CYFIP2: variants seen among roughly 807,000 people sequenced by gnomAD.
The protein encoded by CYFIP2 is cytoplasmic FMR1-interacting protein 2.
A neutral mutation model predicts 158.7 loss-of-function variants in CYFIP2; 29 were observed. The observed-to-expected ratio is 0.18, with a 90% CI of 0.14 to 0.25. CYFIP2 has a LOEUF of 0.25. CYFIP2 is among the 10% of genes least tolerant of loss of function. The pLI, the probability that CYFIP2 is intolerant of heterozygous loss-of-function variation, is 1.00. For missense variants in CYFIP2, 852 were observed against 1,639.5 expected (o/e 0.52, Z 8.29); for synonymous variants, 585 against 617.6 (o/e 0.95, Z 0.78).
In CYFIP2 at chr5:157,385,764, G is replaced by T. The variant is rs150988028; in HGVS notation, c.3207+2405G>T. On this transcript the variant is annotated intron_variant, in intron 28 of 30. Transcript: ENST00000620254. ...GCATAAGAATTCAAAAAACATTGAG[G>T]TTTTTGAGAAGGAATATTGTTACAT... 8.9e-4 allele frequency among the ~76,000 whole-genome samples: 135 copies of T among 152,134 alleles called. 3 individuals carry two copies. The East Asian group carries it at 0.025, about 28-fold the overall frequency.
At chr5:157,294,066 G>T (rs1758054740) in intron 3 of CYFIP2, among the ~76,000 whole-genome samples, 1 of 152,166 alleles carries the variant, frequency 6.6e-6, no homozygotes. Flanking sequence ...AATTGGGGAA[G>T]GCACCAATCT....
At position 157,367,751 on chromosome 5, in the gene CYFIP2, C is replaced by CTTT. The variant is rs373446663; in HGVS notation, c.3039+6172_3039+6174dup. On this transcript the variant is annotated intron_variant, in intron 26 of 30. Coordinates refer to ENST00000620254, the MANE Select transcript of CYFIP2 (RefSeq NM_001037333.3). ...GTCACACTAAGATGACCTCTGTTCACTTTTTTTTTTTTTTTTTTTTTAAGA... is the reference window on the plus strand; with the variant it reads ...GTCACACTAAGATGACCTCTGTTCACTTTTTTTTTTTTTTTTTTTTTTTTAAGA... Among the ~76,000 whole-genome samples, 326 of 123,550 alleles carry CTTT rather than the reference C, an allele frequency of 2.6e-3. 4 individuals are homozygous for CTTT. The highest frequency in any genetic ancestry group is 6.0e-3 in the East Asian group (26 of 4,364). The allele number at this position is 123,550 out of a possible 152,430, so 81.1% of individuals were successfully genotyped here.
intron 14 of CYFIP2, 60 bp downstream of exon 14, chr5:157,319,988 A>C: frequency 6.3e-7 from 1 of 1,580,044 alleles, no homozygotes. Flanking sequence ...TACCCATCAG[A>C]GAGGATGTCC....
intron 15 of CYFIP2, chr5:157,322,929 A>G (rs767594607): frequency 7.1e-5 from 108 of 1,530,602 alleles, no homozygotes; most frequent in Non-Finnish European, 8.7e-5. Context: ...CTTCTCTCCT[A>G]TCTATGTCTT....
chr5:157,384,246 A>C (rs1376533005), intron 28 of CYFIP2: 1 of 456,606 alleles, frequency 2.2e-6, no homozygotes, highest in Non-Finnish European at 4.4e-6. Context: ...GGGAGCAGGA[A>C]GGAAGAGAAA....
At chr5:157,343,493 A>G in intron 23 of CYFIP2, 1 of 1,598,832 alleles carries the variant, frequency 6.3e-7, no homozygotes, top group Middle Eastern at 1.7e-4. Context: ...CGACCAGGAG[A>G]TGATGGCTCC....
intron 11 of CYFIP2, among the ~76,000 whole-genome samples, chr5:157,312,814 G>T (rs184961622): frequency 6.6e-6 from 1 of 152,204 alleles, no homozygotes; most frequent in Non-Finnish European, 1.5e-5. Flanking sequence ...GTACCAATCC[G>T]TTGAACTGAA....
At chr5:157,345,370 A>G (rs1762602158) in intron 23 of CYFIP2, 1 of 152,642 alleles carries the variant, frequency 6.6e-6, no homozygotes, top group Non-Finnish European at 1.5e-5. Flanking sequence ...AGACGCAAAT[A>G]GCATCCTCAC....
At chr5:157,354,856 A>G (rs1042047731) in intron 23 of CYFIP2, among the ~76,000 whole-genome samples, 1 of 151,510 alleles carries the variant, frequency 6.6e-6, no homozygotes, top group African/African-American at 2.5e-5. Context: ...AACAGTTTCC[A>G]TATATGTAAA....
chr5:157,378,610 T>C lies in CYFIP2; in HGVS notation c.3040-3980T>C, dbSNP rs552522862. On this transcript the variant is annotated intron_variant, in intron 26 of 30. Transcript: ENST00000620254. ...AAGTGGAGTGGCTCCTGGATCGAAA[T>C]GTCAGCCTTACTGCTTATTTAAGCA... is the stretch of plus-strand genomic sequence containing the variant. Among the ~76,000 whole-genome samples, 35 of 152,270 alleles carry C rather than the reference T, an allele frequency of 2.3e-4. No individual in the cohort carries two copies. The South Asian group carries it at 7.1e-3, about 31-fold the overall frequency.
intron 21 of CYFIP2, among the ~76,000 whole-genome samples, chr5:157,338,611 GCAAAATT>G (rs533420718): frequency 1.0e-3 from 152 of 152,328 alleles, no homozygotes; most frequent in African/African-American, 3.3e-3. Context: ...GTTGAACCAG[GCAAAATT>G]GCCAATATTT....
At chr5:157,281,972 A>C (rs942137938) in intron 1 of CYFIP2, among the ~76,000 whole-genome samples, 1 of 152,078 alleles carries the variant, frequency 6.6e-6, no homozygotes, top group Non-Finnish European at 1.5e-5. Context: ...CCTGGAGATC[A>C]CCCGTAGTTG....
At position 157,311,342 on chromosome 5, in the gene CYFIP2, C is replaced by T; in HGVS notation, c.993-322C>T. On this transcript the variant is annotated intron_variant, in intron 10 of 30. Coordinates refer to ENST00000620254, the MANE Select transcript of CYFIP2 (RefSeq NM_001037333.3). This position sits in a 1 kb window ranked among gnomAD's most constrained non-coding sequence, Gnocchi z 4.7. Reference sequence around the variant, plus strand: ...CCTTGCTTTTTCTGTGCTCAGATTCCATCCCTTTGTAGTCCTAGAGAGGCT... The same window carrying T: ...CCTTGCTTTTTCTGTGCTCAGATTCTATCCCTTTGTAGTCCTAGAGAGGCT... The T allele has an allele frequency of 2.5e-6, 1 of 406,232 alleles. No individual in the cohort carries two copies. Among genetic ancestry groups the T allele is most frequent in the East Asian group, 5.8e-5 (1 of 17,252 alleles). 25.2% of individuals were successfully genotyped at this position (406,232 alleles called of 1,614,324 possible). A position where few individuals can be genotyped will look rare whatever the true frequency, so the allele number is the denominator to read the frequency against.
At chr5:157,297,209 C>CAA (rs1243039586) in intron 5 of CYFIP2, among the ~76,000 whole-genome samples, 1 of 152,160 alleles carries the variant, frequency 6.6e-6, no homozygotes, top group Non-Finnish European at 1.5e-5. Flanking sequence ...GCCACAGAGG[C>CAA]AAAAGCCTTG....
chr5:157,338,995 AAC>A (rs1762056276), intron 21 of CYFIP2, 60 bp from the exon 22 acceptor site: 2 of 1,490,588 alleles, frequency 1.3e-6, no homozygotes, highest in Non-Finnish European at 1.8e-6. Context: ...AGTAAGATAA[AAC>A]ACACACATGT....
intron 1 of CYFIP2, among the ~76,000 whole-genome samples, chr5:157,280,714 A>G (rs1756930203): frequency 6.6e-6 from 1 of 151,968 alleles, no homozygotes; most frequent in Admixed American, 6.5e-5. Context: ...ATCTATAGTT[A>G]CTAACTCACT....
intron 9 of CYFIP2, 39 bp downstream of exon 9, chr5:157,307,904 T>C: frequency 8.4e-7 from 1 of 1,186,858 alleles, no homozygotes; most frequent in African/African-American, 1.5e-5. Flanking sequence ...AGGGCTGAGG[T>C]TACCAGCGCC....
chr5:157,380,410 C>T (rs1581188821), intron 26 of CYFIP2, among the ~76,000 whole-genome samples: 1 of 152,222 alleles, frequency 6.6e-6, no homozygotes, highest in African/African-American at 2.4e-5. Flanking sequence ...AGTCCGGCCT[C>T]TGCCCAGGAG....
intron 5 of CYFIP2, 46 bp from the exon 6 acceptor site, chr5:157,300,669 C>T: frequency 7.0e-7 from 1 of 1,426,462 alleles, no homozygotes. Flanking sequence ...ACCCTGCCCC[C>T]ATAAGGGAGC....
Sources: gnomAD v4.1 joint callset for allele counts (sites outside exome capture counted in the v4.1 genomes callset) on GRCh38, gnomAD v4.1.1 for gene constraint, Gnocchi (gnomAD v3.1) non-coding constraint, MANE v1.5 for transcripts, NCBI Gene and HGNC (gene_info 2026-07-23, HGNC 2026-07-21) for gene names.